PIGL: variants seen among roughly 807,000 people sequenced by gnomAD.
PIGL encodes the protein phosphatidylinositol glycan anchor biosynthesis class L.
A neutral mutation model predicts 31.1 loss-of-function variants in PIGL; 22 were observed. The observed-to-expected ratio is 0.71, with a 90% CI of 0.51 to 1.01. The LOEUF is 1.01. Among genes scored for constraint, PIGL ranks in the 50% least tolerant of loss-of-function variants. The probability of loss-of-function intolerance (pLI) is 0.00; values close to 1 mark genes in which losing one functional copy is unlikely to be tolerated. For missense variants in PIGL, 302 were observed against 315.9 expected, an observed-to-expected ratio of 0.96 and a Z score of 0.33; for synonymous variants, 131 against 117.4, an observed-to-expected ratio of 1.12 and a Z score of -0.75.
intron 3 of PIGL, among the ~76,000 whole-genome samples, chr17:16,313,136 G>C (rs2142864016): frequency 6.6e-6 from 1 of 152,114 alleles, no homozygotes; most frequent in East Asian, 1.9e-4. Flanking sequence ...GTCCTTCAAA[G>C]CTTTTTTTGC....
intron 2 of PIGL, among the ~76,000 whole-genome samples, chr17:16,267,375 C>T (rs992377855): frequency 6.6e-6 from 1 of 151,524 alleles, no homozygotes; most frequent in Non-Finnish European, 1.5e-5. Context: ...GATGGGGAGG[C>T]GGAAGAGGTG....
At chr17:16,246,251 G>C (rs2092746420) in intron 2 of PIGL, among the ~76,000 whole-genome samples, 1 of 151,348 alleles carries the variant, frequency 6.6e-6, no homozygotes, top group Non-Finnish European at 1.5e-5. Context: ...CGGGTGCGGT[G>C]GCTCACACCT....
chr17:16,300,155 C>T, intron 3 of PIGL, 177 bp downstream of exon 3: 1 of 584,238 alleles, frequency 1.7e-6, no homozygotes, highest in African/African-American at 1.9e-5. Flanking sequence ...ACAAACACAC[C>T]TTTTGATATC....
At chr17:16,325,664 AG>A in intron 6 of PIGL, 135 bp from the exon 7 acceptor site, 1 of 675,824 alleles carries the variant, frequency 1.5e-6, no homozygotes, top group Non-Finnish European at 2.6e-6. Context: ...CGTGGGTTAC[AG>A]GAAGAAGACA....
intron 1 of PIGL, among the ~76,000 whole-genome samples, chr17:16,233,061 C>G (rs1244384107): frequency 6.6e-6 from 1 of 151,752 alleles, no homozygotes; most frequent in Non-Finnish European, 1.5e-5. Flanking sequence ...TTGCAGTGAG[C>G]CAAGATCGCG....
chr17:16,278,453 G>A (rs1043710763), intron 2 of PIGL, among the ~76,000 whole-genome samples: 4 of 152,168 alleles, frequency 2.6e-5, no homozygotes, highest in Non-Finnish European at 5.9e-5. Context: ...TGACCATAAG[G>A]TAAGGTTCTT....
chr17:16,234,139 AC>A, intron 2 of PIGL, 69 bp downstream of exon 2: 4 of 869,486 alleles, frequency 4.6e-6, no homozygotes, highest in Middle Eastern at 2.8e-4. Flanking sequence ...CAAAAGACAC[AC>A]AAAAAACTAA....
At chr17:16,277,160 G>T (rs952905593) in intron 2 of PIGL, among the ~76,000 whole-genome samples, 1 of 152,144 alleles carries the variant, frequency 6.6e-6, no homozygotes, top group African/African-American at 2.4e-5. Flanking sequence ...AATGTATGAG[G>T]CCAGTTTTCC....
At chr17:16,317,348 C>A in intron 5 of PIGL, 2 of 933,548 alleles carry the variant, frequency 2.1e-6, no homozygotes, top group Non-Finnish European at 2.6e-6. Flanking sequence ...AGGTCTCACA[C>A]TATCAACACC....
rs559177077 is a variant in PIGL, at chr17:16,226,658, G to T, written c.236-7313G>T. Among the ~76,000 whole-genome samples the T allele has an allele frequency of 2.0e-5, 3 of 152,210 alleles. No homozygotes were observed. The South Asian group carries it at 6.2e-4, about 32-fold the overall frequency. On this transcript the variant is annotated intron_variant, in intron 1 of 6. Transcript: ENST00000225609. ...AGTATGTGATTAGCAATTCTTAGGG[G>T]GTGACATTTTTTCTTATTTTCCCTT... is the stretch of plus-strand genomic sequence containing the variant.
rs377632512 is a variant in PIGL, at chr17:16,325,863, C to T, written c.724C>T (p.Arg242Trp). The change falls in exon 7 of 7, where the codon CGG becomes TGG. Residue 242 changes from arginine (R) to tryptophan (W), a missense_variant. Arg to Trp is a moderately radical substitution (Grantham distance 101). Coordinates refer to ENST00000225609, the MANE Select transcript of PIGL (RefSeq NM_004278.4). ...CCGCCGCCTCTACATTATCTTCTCC[C>T]GGTACATGAGAATCAACTCACTGAG... The part of the protein sequence containing the change: ...WFRRLYIIFS[R>W]YMRINSLSFL The T allele has an allele frequency of 1.9e-5, 30 of 1,613,664 alleles. No homozygotes were observed. Among genetic ancestry groups the T allele is most frequent in the African/African-American group, 2.7e-5 (2 of 74,916 alleles).
chr17:16,238,437 C>CTT (rs1168033433), intron 2 of PIGL, among the ~76,000 whole-genome samples: 1,863 of 127,740 alleles, frequency 0.015, 59 homozygotes, highest in African/African-American at 0.05. Context: ...TTCTTTTTTT[C>CTT]TTTTTTTTTT....
chr17:16,316,790 C>G (rs747120014), intron 5 of PIGL, 78 bp downstream of exon 5: 2 of 1,593,672 alleles, frequency 1.3e-6, no homozygotes, highest in Admixed American at 1.7e-5. Context: ...TTTGCAAATC[C>G]ACAGAGAGCT....
intron 2 of PIGL, among the ~76,000 whole-genome samples, chr17:16,287,401 T>C (rs1231830138): frequency 6.6e-6 from 1 of 152,232 alleles, no homozygotes; most frequent in Non-Finnish European, 1.5e-5. Context: ...TGCCCATAAG[T>C]AGGGCCACAT....
intron 2 of PIGL, 104 bp from the exon 3 acceptor site, chr17:16,299,783 AC>A (rs2092996547): frequency 1.3e-6 from 1 of 793,512 alleles, no homozygotes; most frequent in Non-Finnish European, 2.3e-6. Flanking sequence ...AGGGACCCTT[AC>A]CCCCAATGTA....
At chr17:16,285,514 G>C (rs1461520485) in intron 2 of PIGL, among the ~76,000 whole-genome samples, 1 of 152,094 alleles carries the variant, frequency 6.6e-6, no homozygotes, top group African/African-American at 2.4e-5. Flanking sequence ...GAACCCGGGC[G>C]GCAGAGGTTG....
At chr17:16,279,492 T>C (rs555652542) in intron 2 of PIGL, among the ~76,000 whole-genome samples, 1 of 152,366 alleles carries the variant, frequency 6.6e-6, no homozygotes, top group African/African-American at 2.4e-5. Flanking sequence ...GGTCTTAGGC[T>C]CAGCATTATC....
chr17:16,316,970 T>A (rs1054606281), intron 5 of PIGL: 4 of 1,275,766 alleles, frequency 3.1e-6, no homozygotes, highest in Non-Finnish European at 4.0e-6. Context: ...TTTCACAGGG[T>A]GGATGTTTTA....
chr17:16,224,669 C>G (rs2092644161), intron 1 of PIGL, among the ~76,000 whole-genome samples: 2 of 151,254 alleles, frequency 1.3e-5, no homozygotes, highest in Non-Finnish European at 2.9e-5. Flanking sequence ...ACATTTTTTC[C>G]CCCTTGTGAC....
Sources: gnomAD v4.1 joint callset for allele counts (sites outside exome capture counted in the v4.1 genomes callset) on GRCh38, gnomAD v4.1.1 for gene constraint, MANE v1.5 for transcripts, NCBI Gene and HGNC (gene_info 2026-07-23, HGNC 2026-07-21) for gene names.